The following TTC3 variants were observed in gnomAD, a reference collection of about 807,000 sequenced individuals.
TTC3 encodes E3 ubiquitin-protein ligase TTC3.
TTC3 carries 180 observed loss-of-function variants against 249.6 expected under a neutral mutation model. That is an observed-to-expected ratio of 0.72 (90% CI 0.64 to 0.82). The LOEUF is 0.82. Among genes scored for constraint, TTC3 ranks in the 40% least tolerant of loss-of-function variants. The probability of loss-of-function intolerance (pLI) is 0.00; values close to 1 mark genes in which losing one functional copy is unlikely to be tolerated. For missense variants in TTC3, 2,061 were observed against 2,398.4 expected (o/e 0.86, Z 2.94); for synonymous variants, 717 against 805.0 (o/e 0.89, Z 1.85).
In TTC3 at chr21:37,166,916, G is replaced by A. The variant is rs548681623; in HGVS notation, c.4401+301G>A. Among the ~76,000 whole-genome samples the A allele has an allele frequency of 7.2e-5, 11 of 152,282 alleles. No homozygotes were observed. In the East Asian group the frequency reaches 1.5e-3, roughly 21 times the overall value. The stretch of plus-strand genomic sequence containing the variant: ...CATCCTAAGAATTAATAAAGGTGCT[G>A]GAGGAGAAGGTGGCTGTTTGTAGGA... On this transcript the variant is annotated intron_variant, in intron 33 of 45. Coordinates refer to ENST00000355666, the Ensembl canonical transcript of TTC3.
intron 1 of TTC3, among the ~76,000 whole-genome samples, chr21:37,078,499 C>T (rs1036502823): frequency 2.0e-5 from 3 of 151,980 alleles, no homozygotes; most frequent in Non-Finnish European, 4.4e-5. Context: ...AGAGGTCTTC[C>T]ACTTTTTCAT....
In TTC3 at chr21:37,175,188, C is replaced by T. The variant is rs189411177; in HGVS notation, c.4617+2444C>T. 2.1e-3 allele frequency among the ~76,000 whole-genome samples: 306 copies of T among 144,934 alleles called. 1 individual carries two copies. The highest frequency in any genetic ancestry group is 7.3e-3 in the African/African-American group (284 of 39,124). The stretch of plus-strand genomic sequence containing the variant: ...CTGAGGCAGGAGAATGGCATGAACC[C>T]GGGAGGCGGAGCTTGCACCGAGCCG... On this transcript the variant is annotated intron_variant, in intron 35 of 45. Coordinates refer to ENST00000355666, the Ensembl canonical transcript of TTC3.
intron 11 of TTC3, among the ~76,000 whole-genome samples, chr21:37,113,400 CAGAG>C (rs920076808): frequency 7.9e-5 from 12 of 152,154 alleles, no homozygotes; most frequent in Non-Finnish European, 8.8e-5. Flanking sequence ...CAATAACAAA[CAGAG>C]AGCCAAATCA....
intron 1 of TTC3, among the ~76,000 whole-genome samples, chr21:37,084,712 A>G (rs2072177723): frequency 6.6e-6 from 1 of 152,144 alleles, no homozygotes; most frequent in Admixed American, 6.5e-5. Flanking sequence ...ACAAAATACA[A>G]GGCCGGGTGC....
chr21:37,100,108 G>C (rs1010398515), intron 10 of TTC3, among the ~76,000 whole-genome samples: 2 of 152,184 alleles, frequency 1.3e-5, no homozygotes, highest in African/African-American at 4.8e-5. Flanking sequence ...CCCGGGGAGT[G>C]GCTGGGGAGA....
At chr21:37,123,842 G>A (rs1375622507) in intron 13 of TTC3, among the ~76,000 whole-genome samples, 5 of 151,662 alleles carry the variant, frequency 3.3e-5, no homozygotes, top group Non-Finnish European at 7.4e-5. Flanking sequence ...TCTGCCTCCC[G>A]GGTTCAAGCG....
chr21:37,107,157 T>C (rs1470856070), intron 10 of TTC3, among the ~76,000 whole-genome samples: 1 of 151,980 alleles, frequency 6.6e-6, no homozygotes, highest in African/African-American at 2.4e-5. Flanking sequence ...TTCTTCCTTG[T>C]AATCTCTTTA....
At chr21:37,103,632 A>G (rs1232865983) in intron 10 of TTC3, among the ~76,000 whole-genome samples, 3 of 152,174 alleles carry the variant, frequency 2.0e-5, no homozygotes, top group Non-Finnish European at 4.4e-5. Flanking sequence ...CGCTGTTTGT[A>G]GTGCTATATA....
intron 1 of TTC3, 88 bp downstream of exon 1, chr21:37,073,561 G>A (rs1432099327): frequency 4.2e-6 from 4 of 950,858 alleles, no homozygotes; most frequent in African/African-American, 1.8e-5. Flanking sequence ...CGATGAGGGG[G>A]TGTGGCCGCC....
chr21:37,172,835 C>A (rs1457063896), intron 35 of TTC3, 91 bp downstream of exon 35: 2 of 1,437,084 alleles, frequency 1.4e-6, no homozygotes, highest in East Asian at 4.9e-5. Flanking sequence ...AGCTGAACTT[C>A]TGCATTGGTG....
At chr21:37,122,866 TCA>T in intron 12 of TTC3, 115 bp from the exon 13 acceptor site, 1 of 997,886 alleles carries the variant, frequency 1.0e-6, no homozygotes, top group Non-Finnish European at 1.4e-6. Context: ...GATTTACTTT[TCA>T]GTTTTCTAAA....
chr21:37,085,338 A>T (rs966940534), intron 1 of TTC3, among the ~76,000 whole-genome samples: 12 of 152,234 alleles, frequency 7.9e-5, no homozygotes, highest in African/African-American at 2.9e-4. Flanking sequence ...CTCTAGAAAT[A>T]TTCATGCAGA....
At chr21:37,135,431 A>G (rs1243687655) in exon 18 of TTC3, 1 of 1,614,058 alleles carries the variant, frequency 6.2e-7, no homozygotes, top group Non-Finnish European at 8.5e-7. Flanking sequence ...AGATGGCTAT[A>G]TGGCCTTATT....
At chr21:37,138,669 C>A (rs757776771) in exon 19 of TTC3, 16 of 1,611,992 alleles carry the variant, frequency 9.9e-6, no homozygotes, top group Non-Finnish European at 8.5e-7. Flanking sequence ...ATGTTTTGGT[C>A]GTCTATGGAC....
At chr21:37,103,132 T>A (rs2074681759) in intron 10 of TTC3, among the ~76,000 whole-genome samples, 1 of 152,124 alleles carries the variant, frequency 6.6e-6, no homozygotes, top group Admixed American at 6.5e-5. Flanking sequence ...AGGAAAGAGT[T>A]CAGGAATAAT....
chr21:37,176,011 T>G (rs1297374375), intron 35 of TTC3, among the ~76,000 whole-genome samples: 1 of 152,118 alleles, frequency 6.6e-6, no homozygotes, highest in Non-Finnish European at 1.5e-5. Context: ...CCTCCTGTGA[T>G]CCTCCCACCT....
At chr21:37,099,556 T>C (rs989041577) in intron 10 of TTC3, among the ~76,000 whole-genome samples, 3 of 152,226 alleles carry the variant, frequency 2.0e-5, no homozygotes, top group Non-Finnish European at 4.4e-5. Context: ...TAAACGTTTA[T>C]GAGGAAATGA....
At chr21:37,117,731 A>G (rs190030471) in intron 11 of TTC3, among the ~76,000 whole-genome samples, 36 of 150,956 alleles carry the variant, frequency 2.4e-4, no homozygotes, top group Non-Finnish European at 1.2e-4. Context: ...TTAGTTGGGC[A>G]TGGTGGCATG....
At chr21:37,154,591 C>T (rs1011362115) in intron 27 of TTC3, among the ~76,000 whole-genome samples, 34 of 152,242 alleles carry the variant, frequency 2.2e-4, no homozygotes, top group African/African-American at 8.2e-4. Flanking sequence ...ACGGTCAAGA[C>T]TGCCAGCCAC....
Sources: allele counts gnomAD v4.1 joint callset (sites outside exome capture counted in the v4.1 genomes callset), GRCh38; gene constraint gnomAD v4.1.1; transcripts MANE v1.5; gene names NCBI Gene and HGNC (gene_info 2026-07-23, HGNC 2026-07-21).